PCYT1B: variants seen among roughly 807,000 people sequenced by gnomAD.
PCYT1B encodes choline-phosphate cytidylyltransferase B.
In PCYT1B, 10 loss-of-function variants were observed where a neutral mutation model predicts 26.4. The ratio of observed to expected loss-of-function variants is 0.38; its 90% CI spans 0.23 to 0.64. PCYT1B has a LOEUF of 0.64. Among genes scored for constraint, PCYT1B ranks in the 30% least tolerant of loss-of-function variants. The pLI, the probability that PCYT1B is intolerant of heterozygous loss-of-function variation, is 0.56. For synonymous variants in PCYT1B, 131 were observed against 108.4 expected (o/e 1.21, Z -1.29); for missense variants, 161 against 292.7 (o/e 0.55, Z 3.28).
At chrX:24,622,138 G>A (rs1371522232) in intron 1 of PCYT1B, among the ~76,000 whole-genome samples, 1 of 111,859 alleles carries the variant, frequency 8.9e-6, no homozygotes, top group East Asian at 2.8e-4. Flanking sequence ...TATGTATAAA[G>A]CAATGTGCTC....
chrX:24,571,711 G>A (rs184325500), intron 7 of PCYT1B, among the ~76,000 whole-genome samples: 2 of 111,590 alleles, frequency 1.8e-5, no homozygotes, highest in Admixed American at 1.9e-4. Flanking sequence ...GAGCCCAGGA[G>A]TTCGAGGTTA....
chrX:24,630,822 C>T (rs1279254694), intron 1 of PCYT1B, among the ~76,000 whole-genome samples: 2 of 112,287 alleles, frequency 1.8e-5, no homozygotes, highest in East Asian at 2.8e-4. Flanking sequence ...AAATTCCTCC[C>T]GTGGTGCCAC....
chrX:24,637,487 A>ATATATATATATATATATATATATATAT (rs1218518627), intron 1 of PCYT1B, among the ~76,000 whole-genome samples: 12 of 56,153 alleles, frequency 2.1e-4, no homozygotes, highest in South Asian at 9.5e-4. Context: ...ACTAAAAAAA[A>ATATATATATATATATATATATATATAT]AAAAATATAT....
chrX:24,623,754 TAAAAC>T (rs779522287), intron 1 of PCYT1B, among the ~76,000 whole-genome samples: 5 of 110,884 alleles, frequency 4.5e-5, no homozygotes, highest in Non-Finnish European at 9.4e-5. Flanking sequence ...AATATTTACT[TAAAAC>T]AAAAGCTATT....
chrX:24,643,757 T>C (rs1926536639), intron 1 of PCYT1B, among the ~76,000 whole-genome samples: 2 of 112,385 alleles, frequency 1.8e-5, no homozygotes, highest in Admixed American at 9.5e-5. Context: ...TAGACTGCTT[T>C]AAAGTCTATT....
At position 24,579,373 on chromosome X, in the gene PCYT1B, G is replaced by A; in HGVS notation, c.651C>T (p.Ala217=). 4 of 1,207,758 alleles carry A rather than the reference G, an allele frequency of 3.3e-6. No individual in the cohort carries two copies. The highest frequency in any genetic ancestry group is 4.5e-6 in the Non-Finnish European group (4 of 892,349). The change falls in exon 6 of 8, where the codon GCC becomes GCT. Residue 217 remains alanine, a synonymous_variant. Transcript: ENST00000379144. Reference sequence around the variant, plus strand: ...TATACCCTCTCTGGAGGTTACGTCGGGCATAAACATCATAGTCACGAACAA... The same window carrying A: ...TATACCCTCTCTGGAGGTTACGTCGAGCATAAACATCATAGTCACGAACAA... ...TRIVRDYDVY[A]RRNLQRGYTA...
chrX:24,609,506 A>G (rs773050150), intron 2 of PCYT1B, among the ~76,000 whole-genome samples: 43 of 112,608 alleles, frequency 3.8e-4, no homozygotes, highest in African/African-American at 1.3e-3. Flanking sequence ...AATATGGTGA[A>G]CTGAACATAC....
intron 1 of PCYT1B, among the ~76,000 whole-genome samples, chrX:24,657,343 T>A (rs772979537): frequency 2.7e-5 from 3 of 112,003 alleles, no homozygotes; most frequent in Non-Finnish European, 3.8e-5. Context: ...TGGATAAATA[T>A]TCCTCACTTA....
Position 24,561,229 on chromosome X carries a change from G to A in PCYT1B, c.*1064C>T, listed in dbSNP as rs778624680. 8 of 112,203 alleles carry A rather than the reference G, an allele frequency of 7.1e-5. No individual in the cohort carries two copies. Among genetic ancestry groups the A allele is most frequent in the Non-Finnish European group, 1.3e-4 (7 of 53,247 alleles). The allele number at this position is 112,203 out of a possible 1,213,427, so 9.2% of individuals were successfully genotyped here. A position where few individuals can be genotyped will look rare whatever the true frequency, so the allele number is the denominator to read the frequency against. ...TTTCAGAGGAGTATTATGGTGGAGCGCAGGAGTGGGGTCTATTATAAAATG... is the reference window on the plus strand; with the variant it reads ...TTTCAGAGGAGTATTATGGTGGAGCACAGGAGTGGGGTCTATTATAAAATG... On this transcript the variant is annotated 3_prime_UTR_variant, in exon 8 of 8. Coordinates refer to ENST00000379144, the MANE Select transcript of PCYT1B (RefSeq NM_004845.5).
chrX:24,582,339 G>C (rs191488781), intron 5 of PCYT1B, among the ~76,000 whole-genome samples: 2 of 112,437 alleles, frequency 1.8e-5, no homozygotes, highest in Non-Finnish European at 3.7e-5. Context: ...CTGTGTTTGA[G>C]TAACTGAAAG....
chrX:24,583,896 G>C (rs1428618485), intron 5 of PCYT1B, among the ~76,000 whole-genome samples: 2 of 111,998 alleles, frequency 1.8e-5, no homozygotes, highest in Non-Finnish European at 3.8e-5. Flanking sequence ...CAGACCTACT[G>C]AATCTGAATC....
intron 1 of PCYT1B, among the ~76,000 whole-genome samples, chrX:24,630,406 C>T (rs1051393979): frequency 2.7e-5 from 3 of 111,296 alleles, no homozygotes; most frequent in Admixed American, 9.6e-5. Context: ...CGCCATTCTC[C>T]TGCCTCAGCC....
rs751907856 is a variant in PCYT1B at position 24,647,059 on chromosome X, T to A, written c.47A>T (p.Lys16Ile). 8.3e-7 allele frequency: 1 copy of A among 1,210,760 alleles called. No homozygotes were observed. Among genetic ancestry groups the A allele is most frequent in the East Asian group, 3.0e-5 (1 of 33,828 alleles). The change falls in exon 1 of 8, where the codon AAA becomes ATA. Residue 16 changes from lysine to isoleucine, a missense_variant. Physicochemically the swap from Lys to Ile is moderately radical, Grantham distance 102 (BLOSUM62 -3). Around this residue, in one of 4 missense-constraint regions of PCYT1B, gnomAD observed 51 missense variants for 51.0 expected, o/e 1.00. Transcript: ENST00000379144. ...TGAGGGAGGCTCATTGGAAAGGGATTTTGGGATACCTGTTTCTGACTCAGC... is the reference window on the plus strand; with the variant it reads ...TGAGGGAGGCTCATTGGAAAGGGATATTGGGATACCTGTTTCTGACTCAGC... Reference protein sequence around the residue: ...TDAESETGIPKSLSNEPPSET... With the variant: ...TDAESETGIPISLSNEPPSET...
intron 4 of PCYT1B, among the ~76,000 whole-genome samples, chrX:24,587,715 TCA>T (rs754890452): frequency 1.8e-5 from 2 of 112,215 alleles, no homozygotes; most frequent in Non-Finnish European, 3.8e-5. Context: ...CAATGGGCAC[TCA>T]CACTTAGGTC....
At chrX:24,613,141 T>C (rs1005291898) in intron 2 of PCYT1B, among the ~76,000 whole-genome samples, 8 of 111,910 alleles carry the variant, frequency 7.1e-5, no homozygotes, top group African/African-American at 2.6e-4. Flanking sequence ...AACTCACCAC[T>C]CTTTCTTCTA....
intron 1 of PCYT1B, among the ~76,000 whole-genome samples, chrX:24,627,180 G>A (rs112598769): frequency 0.012 from 1,388 of 112,085 alleles, 13 homozygotes; most frequent in Non-Finnish European, 0.019. Flanking sequence ...TAACTAGAAG[G>A]CCAGTATGCT....
At chrX:24,592,601 C>T (rs941049864) in intron 3 of PCYT1B, among the ~76,000 whole-genome samples, 1 of 111,341 alleles carries the variant, frequency 9.0e-6, no homozygotes, top group African/African-American at 3.3e-5. Context: ...TCCCAACAAC[C>T]TATTCTCATT....
chrX:24,670,112 GA>G (rs1302122216), intron 1 of PCYT1B, among the ~76,000 whole-genome samples: 1,089 of 83,131 alleles, frequency 0.013, 12 homozygotes, highest in Non-Finnish European at 0.019. Flanking sequence ...AAGAAAGAAA[GA>G]AAGGAAGGAA....
chrX:24,587,823 G>A (rs758535404), intron 4 of PCYT1B, among the ~76,000 whole-genome samples: 1 of 112,481 alleles, frequency 8.9e-6, no homozygotes, highest in South Asian at 3.7e-4. Context: ...TACTTCAGTT[G>A]GGACATAAGG....
Sources: allele counts gnomAD v4.1 joint callset (sites outside exome capture counted in the v4.1 genomes callset), GRCh38; gene constraint gnomAD v4.1.1; regional missense constraint gnomAD v4.1.1; transcripts MANE v1.5; gene names NCBI Gene and HGNC (gene_info 2026-07-23, HGNC 2026-07-21).